The following FKTN variants were observed in gnomAD, a reference collection of about 807,000 sequenced individuals.
FKTN encodes the protein ribitol-5-phosphate transferase FKTN.
Under a neutral mutation model 58.6 loss-of-function variants are expected in FKTN, and 47 were observed. The ratio of observed to expected loss-of-function variants is 0.80; its 90% CI spans 0.63 to 1.02. The LOEUF (loss-of-function observed/expected upper bound fraction) is 1.02. Ranked by LOEUF, FKTN falls within the 50% of genes least tolerant of loss-of-function variation. FKTN has a pLI of 0.00. For synonymous variants in FKTN, 178 were observed against 191.9 expected (o/e 0.93, Z 0.60); for missense variants, 516 against 537.3 (o/e 0.96, Z 0.39).
chr9:105,572,697 G>A (rs1840956906), intron 1 of FKTN, among the ~76,000 whole-genome samples: 1 of 152,166 alleles, frequency 6.6e-6, no homozygotes, highest in Non-Finnish European at 1.5e-5. Context: ...CTCTTGCTGA[G>A]GCAAAGTAGA....
intron 7 of FKTN, among the ~76,000 whole-genome samples, chr9:105,614,908 C>A (rs1830541328): frequency 1.4e-5 from 2 of 145,564 alleles, no homozygotes; most frequent in Non-Finnish European, 3.0e-5. Flanking sequence ...TTTTTTGAGA[C>A]AGTCTCATTC....
chr9:105,563,418 C>G (rs151020631), intron 1 of FKTN, among the ~76,000 whole-genome samples: 3,211 of 152,240 alleles, frequency 0.021, 52 homozygotes, highest in Admixed American at 0.038. Context: ...GAAGGGGGGA[C>G]AAATGGCACC....
rs753641411 is a variant in FKTN, at chr9:105,596,632, G to C, written c.140G>C (p.Arg47Pro). The C allele has an allele frequency of 6.2e-7, 1 of 1,612,406 alleles. No homozygotes were observed. The highest frequency in any genetic ancestry group is 1.1e-5 in the South Asian group (1 of 91,024). ...GAGLSKSKGS[R>P]IGFDSTQWRA... ...GGTTTGTCAAAATCCAAAGGAAGCC[G>C]AATTGGATTTGATAGCACACAGTGG... The change falls in exon 4 of 11, where the codon CGA becomes CCA. Residue 47 changes from arginine to proline, a missense_variant. By Grantham distance (103) the Arg-to-Pro change is moderately radical. Coordinates refer to ENST00000357998, the MANE Select transcript of FKTN (RefSeq NM_001079802.2).
At chr9:105,587,140 G>A (rs966061188) in intron 3 of FKTN, among the ~76,000 whole-genome samples, 3 of 152,146 alleles carry the variant, frequency 2.0e-5, no homozygotes, top group Non-Finnish European at 4.4e-5. Context: ...ATTAGGCACT[G>A]AGTGATCCAA....
chr9:105,635,533 A>G lies in FKTN; in HGVS notation c.*269A>G. 4 of 1,323,132 alleles carry G rather than the reference A, an allele frequency of 3.0e-6. No homozygotes were observed. The highest frequency in any genetic ancestry group is 3.9e-6 in the Non-Finnish European group (4 of 1,032,268). The allele number at this position is 1,323,132 out of a possible 1,614,324, so 82.0% of individuals were successfully genotyped here. On this transcript the variant is annotated 3_prime_UTR_variant, in exon 11 of 11. Coordinates refer to ENST00000357998, the MANE Select transcript of FKTN (RefSeq NM_001079802.2). Reference sequence around the variant, plus strand: ...TATTCCTCCTTTTGGTAAACAACTCAATTTTCCTTTGAGGGAACCCTCCCC... The same window carrying G: ...TATTCCTCCTTTTGGTAAACAACTCGATTTTCCTTTGAGGGAACCCTCCCC...
At position 105,568,306 on chromosome 9, in the gene FKTN, C is replaced by T. The variant is rs1430172621; in HGVS notation, c.-180-5349C>T. ...AATTGACAAAAGGGAGCTAATTAAA[C>T]TGAAGAGCTTCTGCATAGCAAAAGA... On this transcript the variant is annotated intron_variant, in intron 1 of 10. Coordinates refer to ENST00000357998, the MANE Select transcript of FKTN (RefSeq NM_001079802.2). 9.2e-5 allele frequency among the ~76,000 whole-genome samples: 14 copies of T among 152,212 alleles called. No individual in the cohort carries two copies. In the East Asian group the frequency reaches 2.7e-3, roughly 29 times the overall value.
At chr9:105,630,833 T>C (rs1019817131) in intron 10 of FKTN, among the ~76,000 whole-genome samples, 1 of 152,082 alleles carries the variant, frequency 6.6e-6, no homozygotes, top group Non-Finnish European at 1.5e-5. Flanking sequence ...CTTAGCAAAT[T>C]TGGATTAAAA....
In FKTN at chr9:105,635,940, A is replaced by T; in HGVS notation, c.*676A>T. 5 of 986,272 alleles carry T rather than the reference A, an allele frequency of 5.1e-6. No individual in the cohort carries two copies. Among genetic ancestry groups the T allele is most frequent in the Non-Finnish European group, 6.0e-6 (5 of 830,524 alleles). 61.1% of individuals were successfully genotyped at this position (986,272 alleles called of 1,614,324 possible). A position where few individuals can be genotyped will look rare whatever the true frequency, so the allele number is the denominator to read the frequency against. Reference sequence around the variant, plus strand: ...ATGTACTGTTTTCATATGTGAAGTGAGAAGAAACTTTATGCTTGTTTAATG... The same window carrying T: ...ATGTACTGTTTTCATATGTGAAGTGTGAAGAAACTTTATGCTTGTTTAATG... On this transcript the variant is annotated 3_prime_UTR_variant, in exon 11 of 11. Transcript: ENST00000357998.
At chr9:105,615,545 C>A in intron 8 of FKTN, 138 bp downstream of exon 8, 1 of 802,586 alleles carries the variant, frequency 1.2e-6, no homozygotes, top group Non-Finnish European at 2.2e-6. Flanking sequence ...GTGCATGCAG[C>A]AAGGATCTAT....
chr9:105,604,830 C>T (rs1828573416), intron 6 of FKTN, among the ~76,000 whole-genome samples: 1 of 151,758 alleles, frequency 6.6e-6, no homozygotes, highest in African/African-American at 2.4e-5. Context: ...GTGGTGGGTG[C>T]CTGTAATCCC....
intron 3 of FKTN, among the ~76,000 whole-genome samples, chr9:105,590,042 C>T (rs1308875135): frequency 1.3e-5 from 2 of 152,164 alleles, no homozygotes; most frequent in Non-Finnish European, 2.9e-5. Context: ...TGGACATGAT[C>T]TGACTATTGT....
At chr9:105,592,317 G>A (rs1845039459) in intron 3 of FKTN, among the ~76,000 whole-genome samples, 1 of 152,148 alleles carries the variant, frequency 6.6e-6, no homozygotes, top group African/African-American at 2.4e-5. Flanking sequence ...AAGCAGCCAG[G>A]CCAGATCTTG....
intron 3 of FKTN, among the ~76,000 whole-genome samples, chr9:105,590,642 G>A (rs1213468881): frequency 6.6e-6 from 1 of 152,136 alleles, no homozygotes; most frequent in African/African-American, 2.4e-5. Flanking sequence ...CTAAGTAATT[G>A]CAATGGCAAA....
At position 105,563,714 on chromosome 9, in the gene FKTN, T is replaced by C. The variant is rs534251131; in HGVS notation, c.-181+5549T>C. Among the ~76,000 whole-genome samples the C allele has an allele frequency of 5.3e-5, 8 of 152,248 alleles. No individual in the cohort carries two copies. In the South Asian group the frequency reaches 1.7e-3, roughly 32 times the overall value. ...GGAGGCCTGCCTGCCTCTGTAGACTTCACCTCTGGGGGCAGGGCATAGCCA... is the reference window on the plus strand; with the variant it reads ...GGAGGCCTGCCTGCCTCTGTAGACTCCACCTCTGGGGGCAGGGCATAGCCA... On this transcript the variant is annotated intron_variant, in intron 1 of 10. Coordinates refer to ENST00000357998, the MANE Select transcript of FKTN (RefSeq NM_001079802.2).
Position 105,627,354 on chromosome 9 carries a change from T to C in FKTN, c.1172+7293T>C, listed in dbSNP as rs1832871997. Among the ~76,000 whole-genome samples the C allele has an allele frequency of 3.9e-5, 6 of 152,334 alleles. 1 individual carries two copies. In the South Asian group the frequency reaches 1.0e-3, roughly 26 times the overall value. On this transcript the variant is annotated intron_variant, in intron 10 of 10. Coordinates refer to ENST00000357998, the MANE Select transcript of FKTN (RefSeq NM_001079802.2). ...AGTTTATCTATTATGGGTAGTATTA[T>C]CGTGTCCTGTTTAAGAAATCTTTCC...
At position 105,618,102 on chromosome 9, in the gene FKTN, A is replaced by G; in HGVS notation, c.1044+10A>G. ...ACACAAATTTGGGAAGGTCAGTAAC[A>G]AAAGTCGGCTTCATTTCATAAGTAA... On this transcript the variant is annotated intron_variant, in intron 9 of 10. Transcript: ENST00000357998. 1 of 1,610,130 alleles carries G rather than the reference A, an allele frequency of 6.2e-7. No homozygotes were observed. Among genetic ancestry groups the G allele is most frequent in the East Asian group, 2.2e-5 (1 of 44,834 alleles).
At position 105,638,129 on chromosome 9, in the gene FKTN, T is replaced by A; in HGVS notation, c.*2865T>A. The A allele has an allele frequency of 1.0e-6, 1 of 982,090 alleles. No homozygotes were observed. Among genetic ancestry groups the A allele is most frequent in the Non-Finnish European group, 1.2e-6 (1 of 826,896 alleles). The allele number at this position is 982,090 out of a possible 1,614,324, so 60.8% of individuals were successfully genotyped here. On this transcript the variant is annotated 3_prime_UTR_variant, in exon 11 of 11. Transcript: ENST00000357998. ...AATAAATAATCACAGAAAAGAATGA[T>A]CTGAACAAGAACAGCTGAGGCTAAA...
At chr9:105,571,806 A>G (rs1415786644) in intron 1 of FKTN, among the ~76,000 whole-genome samples, 1 of 152,222 alleles carries the variant, frequency 6.6e-6, no homozygotes. Flanking sequence ...ATCAGAGTAT[A>G]GGTTGAGCAT....
At chr9:105,592,142 C>T (rs181170574) in intron 3 of FKTN, among the ~76,000 whole-genome samples, 27 of 152,366 alleles carry the variant, frequency 1.8e-4, no homozygotes, top group African/African-American at 5.8e-4. Flanking sequence ...TTGGCGAATG[C>T]AAATTTCTGC....
Sources: gnomAD v4.1 joint callset for allele counts (sites outside exome capture counted in the v4.1 genomes callset) on GRCh38, gnomAD v4.1.1 for gene constraint, MANE v1.5 for transcripts, NCBI Gene and HGNC (gene_info 2026-07-23, HGNC 2026-07-21) for gene names.